Variants in LINGO2 observed in about 807,000 individuals in gnomAD.
LINGO2 encodes the protein leucine-rich repeat and immunoglobulin-like domain-containing nogo receptor-interacting protein 2.
Under a neutral mutation model 30.6 loss-of-function variants are expected in LINGO2, and 14 were observed. That is an observed-to-expected ratio of 0.46 (90% CI 0.30 to 0.72). LINGO2 has a LOEUF of 0.72. Among genes scored for constraint, LINGO2 ranks in the 30% least tolerant of loss-of-function variants. The pLI is 0.07. For synonymous variants in LINGO2, 317 were observed against 288.5 expected (o/e 1.10, Z -1.00); for missense variants, 729 against 751.7 (o/e 0.97, Z 0.35).
At chr9:28,739,422 G>C in the LINGO2 span, among the ~76,000 whole-genome samples, 2 of 151,864 alleles carry the variant, frequency 1.3e-5, no homozygotes, top group Non-Finnish European at 2.9e-5. Context: ...AATAAAACGA[G>C]AGTTTTGTAA....
At chr9:28,047,656 C>G (rs1028742149) in intron 4 of LINGO2, among the ~76,000 whole-genome samples, 2 of 150,694 alleles carry the variant, frequency 1.3e-5, no homozygotes, top group Non-Finnish European at 2.9e-5. Flanking sequence ...CGGTAGCTAC[C>G]TTGTGGGAGG....
At chr9:28,204,857 C>T (rs1425904994) in intron 4 of LINGO2, among the ~76,000 whole-genome samples, 2 of 152,044 alleles carry the variant, frequency 1.3e-5, no homozygotes, top group Admixed American at 1.3e-4. Flanking sequence ...CAGATTGAGT[C>T]GGTTTATTTT....
the LINGO2 span, among the ~76,000 whole-genome samples, chr9:28,743,088 T>C: frequency 1.5e-4 from 23 of 152,020 alleles, no homozygotes; most frequent in African/African-American, 4.8e-4. Context: ...TCTTTAGTAT[T>C]TTTTTGTAAG....
chr9:28,632,444 A>T (rs1407929198), intron 1 of LINGO2, among the ~76,000 whole-genome samples: 1 of 151,422 alleles, frequency 6.6e-6, no homozygotes, highest in Non-Finnish European at 1.5e-5. Flanking sequence ...GGATATTCAT[A>T]AAATAAGCAA....
At chr9:28,803,784 T>A in the LINGO2 span, among the ~76,000 whole-genome samples, 5 of 152,052 alleles carry the variant, frequency 3.3e-5, no homozygotes, top group African/African-American at 1.2e-4. Context: ...CAACTTAATA[T>A]ACATGAAATT....
chr9:28,672,341 T>C (rs917977264), upstream of LINGO2, among the ~76,000 whole-genome samples: 8 of 152,344 alleles, frequency 5.3e-5, no homozygotes, highest in Middle Eastern at 3.4e-3. Flanking sequence ...TAAATCTGTA[T>C]AGTATTCACT....
chr9:28,596,659 T>C (rs937324324), intron 1 of LINGO2, among the ~76,000 whole-genome samples: 1 of 152,218 alleles, frequency 6.6e-6, no homozygotes, highest in South Asian at 2.1e-4. Flanking sequence ...TGTAAAGTCA[T>C]TGCAAATATT....
Position 28,078,445 on chromosome 9 carries a change from T to C in LINGO2, c.-86-66040A>G, listed in dbSNP as rs963753208. On this transcript the variant is annotated intron_variant, in intron 4 of 5. Coordinates refer to ENST00000379992, the Ensembl canonical transcript of LINGO2. ...CTAAATCTGATTTTTAAATAGACTA[T>C]TTTTTTTTAGGATTTGTGAGCACAT... Among the ~76,000 whole-genome samples, 7 of 148,098 alleles carry C rather than the reference T, an allele frequency of 4.7e-5. No homozygotes were observed. The East Asian group carries it at 7.7e-4, about 16-fold the overall frequency.
At chr9:29,022,230 A>T in the LINGO2 span, among the ~76,000 whole-genome samples, 7 of 152,202 alleles carry the variant, frequency 4.6e-5, no homozygotes, top group African/African-American at 1.7e-4. Context: ...TAATTTTATA[A>T]GGAAAGGAAG....
At position 28,097,544 on chromosome 9, in the gene LINGO2, A is replaced by C. The variant is rs544217797; in HGVS notation, c.-86-85139T>G. 2.3e-3 allele frequency among the ~76,000 whole-genome samples: 328 copies of C among 144,268 alleles called. 2 individuals are homozygous for C. The highest frequency in any genetic ancestry group is 8.1e-3 in the African/African-American group (313 of 38,776). The allele number at this position is 144,268 out of a possible 152,430, so 94.6% of individuals were successfully genotyped here. ...GTTCATATCCTTTGTAGGGACATGG[A>C]TGAAATTGGAAACCATCATTCTCAG... On this transcript the variant is annotated intron_variant, in intron 4 of 5. Transcript: ENST00000379992.
intron 4 of LINGO2, among the ~76,000 whole-genome samples, chr9:28,286,017 A>G (rs1436627050): frequency 6.6e-6 from 1 of 152,246 alleles, no homozygotes; most frequent in Non-Finnish European, 1.5e-5. Context: ...CCATAAAGGC[A>G]ACATGATACC....
At chr9:29,032,668 C>G in the LINGO2 span, among the ~76,000 whole-genome samples, 1 of 152,106 alleles carries the variant, frequency 6.6e-6, no homozygotes, top group Non-Finnish European at 1.5e-5. Context: ...CCACATAGTT[C>G]AGAAACAGAT....
intron 4 of LINGO2, among the ~76,000 whole-genome samples, chr9:28,155,981 C>T (rs954341307): frequency 5.3e-5 from 8 of 152,048 alleles, no homozygotes; most frequent in South Asian, 2.1e-4. Flanking sequence ...CTGTTGTCCA[C>T]GAGACACTCA....
chr9:28,066,401 G>T (rs1825315063), intron 4 of LINGO2, among the ~76,000 whole-genome samples: 3 of 152,078 alleles, frequency 2.0e-5, no homozygotes, highest in South Asian at 4.2e-4. Flanking sequence ...TGGCACCAAA[G>T]AAATCACAGA....
chr9:28,796,682 TAAG>T, the LINGO2 span, among the ~76,000 whole-genome samples: 1 of 152,034 alleles, frequency 6.6e-6, no homozygotes, highest in African/African-American at 2.4e-5. Flanking sequence ...TGTGTTTCTT[TAAG>T]AATAAGAGGA....
chr9:28,120,010 TG>T (rs1827048140), intron 4 of LINGO2, among the ~76,000 whole-genome samples: 1 of 152,160 alleles, frequency 6.6e-6, no homozygotes, highest in Non-Finnish European at 1.5e-5. Context: ...GAATAAAAAA[TG>T]CACCTTTATT....
chr9:28,490,852 C>G (rs535086543), intron 1 of LINGO2, among the ~76,000 whole-genome samples: 1 of 152,178 alleles, frequency 6.6e-6, no homozygotes, highest in South Asian at 2.1e-4. Context: ...AATTTCACTT[C>G]AAGAAAACTA....
the LINGO2 span, among the ~76,000 whole-genome samples, chr9:28,797,351 TATATATATAGAGAGAGAG>T: frequency 2.4e-4 from 15 of 62,510 alleles, no homozygotes; most frequent in African/African-American, 8.7e-4. Flanking sequence ...TATATATATA[TATATATATAGAGAGAGAG>T]AGAGAGAGAG....
the LINGO2 span, among the ~76,000 whole-genome samples, chr9:28,724,572 C>T: frequency 2.0e-5 from 3 of 152,090 alleles, no homozygotes; most frequent in South Asian, 2.1e-4. Context: ...ATAACTCCAT[C>T]ACGGATGATA....
Sources: allele counts gnomAD v4.1 joint callset (sites outside exome capture counted in the v4.1 genomes callset), GRCh38; gene constraint gnomAD v4.1.1; transcripts MANE v1.5; gene names NCBI Gene and HGNC (gene_info 2026-07-23, HGNC 2026-07-21).